The following CALN1 variants were observed in gnomAD, a reference collection of about 807,000 sequenced individuals.
The protein encoded by CALN1 is calneuron 1.
CALN1 carries 17 observed loss-of-function variants against 30.6 expected under a neutral mutation model. The ratio of observed to expected loss-of-function variants is 0.56; its 90% CI spans 0.38 to 0.83. CALN1 has a LOEUF of 0.83. CALN1 is among the 40% of genes least tolerant of loss of function. The pLI, the probability that CALN1 is intolerant of heterozygous loss-of-function variation, is 0.00. For synonymous variants in CALN1, 156 were observed against 131.4 expected (o/e 1.19, Z -1.28); for missense variants, 291 against 354.9 (o/e 0.82, Z 1.45).
At chr7:72,442,308 G>A (rs543452345) in intron 1 of CALN1, among the ~76,000 whole-genome samples, 2 of 152,282 alleles carry the variant, frequency 1.3e-5, no homozygotes, top group African/African-American at 4.8e-5. Context: ...AGAGCCCAGC[G>A]CTGGCTCCCG....
At chr7:72,488,370 C>G in the CALN1 span, among the ~76,000 whole-genome samples, 1 of 150,884 alleles carries the variant, frequency 6.6e-6, no homozygotes, top group Non-Finnish European at 1.5e-5. Flanking sequence ...GATCCTGTCT[C>G]AAAAGAATAA....
intron 6 of CALN1, among the ~76,000 whole-genome samples, chr7:71,806,250 G>GCA (rs748073948): frequency 9.4e-4 from 102 of 109,082 alleles, no homozygotes; most frequent in African/African-American, 2.3e-3. Flanking sequence ...GTGCACGCAT[G>GCA]CACACACACA....
At chr7:72,355,714 G>A (rs1375109182) in intron 2 of CALN1, among the ~76,000 whole-genome samples, 1 of 152,122 alleles carries the variant, frequency 6.6e-6, no homozygotes. Context: ...TCATTCTTAT[G>A]AAATTCTAGA....
intron 2 of CALN1, among the ~76,000 whole-genome samples, chr7:72,399,032 G>T (rs1256670825): frequency 6.6e-6 from 1 of 152,180 alleles, no homozygotes; most frequent in Non-Finnish European, 1.5e-5. Context: ...TCACTCCCTT[G>T]TGAGAACTTT....
intron 4 of CALN1, among the ~76,000 whole-genome samples, chr7:72,060,690 C>A (rs1262891414): frequency 6.6e-6 from 1 of 152,114 alleles, no homozygotes; most frequent in African/African-American, 2.4e-5. Flanking sequence ...TCATAAATGG[C>A]TTGGTGCTCT....
intron 3 of CALN1, among the ~76,000 whole-genome samples, chr7:72,114,234 A>G (rs1343197047): frequency 1.0e-5 from 1 of 96,684 alleles, no homozygotes; most frequent in Non-Finnish European, 2.0e-5. Flanking sequence ...TAAAAGTAAA[A>G]ATAAAAGTTG....
At chr7:72,349,096 A>G (rs1295583817) in intron 2 of CALN1, among the ~76,000 whole-genome samples, 1 of 152,246 alleles carries the variant, frequency 6.6e-6, no homozygotes, top group Non-Finnish European at 1.5e-5. Flanking sequence ...AGGGCTTAAC[A>G]TAACATTAGG....
intron 3 of CALN1, among the ~76,000 whole-genome samples, chr7:72,230,911 G>A (rs529325910): frequency 2.0e-5 from 3 of 152,250 alleles, no homozygotes; most frequent in Non-Finnish European, 2.9e-5. Context: ...AAAAATATCA[G>A]ATGGAAAATT....
chr7:71,882,347 T>C (rs1187934514), intron 5 of CALN1, among the ~76,000 whole-genome samples: 1 of 152,186 alleles, frequency 6.6e-6, no homozygotes, highest in African/African-American at 2.4e-5. Context: ...TGGGGCCACT[T>C]TGGTAATCCA....
chr7:72,395,838 G>A (rs1805899109), intron 2 of CALN1, among the ~76,000 whole-genome samples: 1 of 152,076 alleles, frequency 6.6e-6, no homozygotes, highest in African/African-American at 2.4e-5. Context: ...CCTCCCCCTG[G>A]GGACTTCTGG....
the CALN1 span, among the ~76,000 whole-genome samples, chr7:72,499,774 T>TTTCCTTCCTTCCTTCC: frequency 2.4e-4 from 28 of 118,730 alleles, no homozygotes; most frequent in African/African-American, 3.4e-4. Context: ...ACTTTCTTTC[T>TTTCCTTCCTTCCTTCC]TTCCTTCCTT....
intron 5 of CALN1, among the ~76,000 whole-genome samples, chr7:71,822,796 A>AT (rs1788672742): frequency 6.6e-6 from 1 of 152,116 alleles, no homozygotes; most frequent in Admixed American, 6.6e-5. Context: ...TTAATTTGAG[A>AT]TTTATGATGA....
chr7:72,358,200 C>A (rs889120871), intron 2 of CALN1, among the ~76,000 whole-genome samples: 2 of 151,786 alleles, frequency 1.3e-5, no homozygotes, highest in African/African-American at 4.9e-5. Context: ...ACTATGTTGC[C>A]CAGGCACTGG....
chr7:71,865,014 A>AAAAG (rs561320178), intron 5 of CALN1, among the ~76,000 whole-genome samples: 43 of 152,218 alleles, frequency 2.8e-4, no homozygotes, highest in Middle Eastern at 3.4e-3. Context: ...AAAAAAGGAA[A>AAAAG]AAAGAAAGAA....
intron 2 of CALN1, among the ~76,000 whole-genome samples, chr7:72,372,740 C>A (rs1251666220): frequency 1.3e-5 from 2 of 152,092 alleles, no homozygotes; most frequent in African/African-American, 4.8e-5. Flanking sequence ...GAACTTGAGG[C>A]CTGGATCCAA....
chr7:72,413,441 C>T (rs1376533730), upstream of CALN1, among the ~76,000 whole-genome samples: 1 of 151,942 alleles, frequency 6.6e-6, no homozygotes, highest in Non-Finnish European at 1.5e-5. Flanking sequence ...CACATAGACT[C>T]ACATACCACA....
chr7:72,168,577 T>G (rs1356293161), intron 3 of CALN1, among the ~76,000 whole-genome samples: 1 of 152,152 alleles, frequency 6.6e-6, no homozygotes, highest in Non-Finnish European at 1.5e-5. Context: ...ATCTGTCTCT[T>G]CCAATATATT....
At chr7:72,446,853 C>A (rs1308314407) in intron 1 of CALN1, among the ~76,000 whole-genome samples, 1 of 152,172 alleles carries the variant, frequency 6.6e-6, no homozygotes, top group Non-Finnish European at 1.5e-5. Context: ...GATCTCCCTA[C>A]CCCTCCCCTT....
Position 71,784,990 on chromosome 7 carries a change from C to T in CALN1, c.*2785G>A. 1 of 396,980 alleles carries T rather than the reference C, an allele frequency of 2.5e-6. No homozygotes were observed. Among genetic ancestry groups the T allele is most frequent in the Non-Finnish European group, 4.4e-6 (1 of 225,416 alleles). The allele number at this position is 396,980 out of a possible 1,614,324, so 24.6% of individuals were successfully genotyped here. A position where few individuals can be genotyped will look rare whatever the true frequency, so the allele number is the denominator to read the frequency against. On this transcript the variant is annotated 3_prime_UTR_variant, in exon 7 of 7. Coordinates refer to ENST00000395275, the MANE Select transcript of CALN1 (RefSeq NM_031468.4). ...TTCCCTATACCCAAGACAAACTGTC[C>T]AAGCAAAGCAGCCAGGGTGCAAGTC...
Sources: allele counts gnomAD v4.1 joint callset (sites outside exome capture counted in the v4.1 genomes callset), GRCh38; gene constraint gnomAD v4.1.1; transcripts MANE v1.5; gene names NCBI Gene and HGNC (gene_info 2026-07-23, HGNC 2026-07-21).